RTF1: variants seen among roughly 807,000 people sequenced by gnomAD.
RTF1 encodes the protein RTF1 homolog, Paf1/RNA polymerase II complex component.
RTF1 carries 10 observed loss-of-function variants against 95.7 expected under a neutral mutation model. That is an observed-to-expected ratio of 0.10 (90% CI 0.06 to 0.18). RTF1 has a LOEUF of 0.18. Ranked by LOEUF, RTF1 falls within the 10% of genes least tolerant of loss-of-function variation. RTF1 has a pLI of 1.00. For synonymous variants in RTF1, 305 were observed against 311.8 expected, an observed-to-expected ratio of 0.98 and a Z score of 0.23; for missense variants, 458 against 875.6, an observed-to-expected ratio of 0.52 and a Z score of 6.02.
chr15:41,452,251 C>T (rs565264920), intron 2 of RTF1, among the ~76,000 whole-genome samples: 6 of 152,082 alleles, frequency 3.9e-5, no homozygotes, highest in East Asian at 1.9e-4. Flanking sequence ...GCCTGGGAAA[C>T]GTGGTGAAAC....
intron 4 of RTF1, among the ~76,000 whole-genome samples, chr15:41,460,963 G>C (rs923038741): frequency 6.1e-5 from 9 of 148,102 alleles, no homozygotes; most frequent in African/African-American, 2.0e-4. Context: ...TGCAACCTCC[G>C]CCTACCAGGT....
At chr15:41,476,914 C>T (rs577940398) in intron 12 of RTF1, among the ~76,000 whole-genome samples, 1 of 152,330 alleles carries the variant, frequency 6.6e-6, no homozygotes, top group African/African-American at 2.4e-5. Context: ...CCTGTGAGGC[C>T]TGGGGTTCTA....
chr15:41,468,424 TCTC>T (rs2050891861), intron 6 of RTF1, among the ~76,000 whole-genome samples: 1 of 152,078 alleles, frequency 6.6e-6, no homozygotes, highest in East Asian at 1.9e-4. Flanking sequence ...TTCACACCAT[TCTC>T]CTGCCTCAGC....
rs377607308 is a variant in RTF1 at position 41,464,637 on chromosome 15, G to C, written c.663-134G>C. The C allele has an allele frequency of 8.0e-4, 469 of 589,436 alleles. 5 individuals are homozygous for C. The South Asian group carries it at 0.012, about 15-fold the overall frequency. The allele number at this position is 589,436 out of a possible 1,614,324, so 36.5% of individuals were successfully genotyped here. ...TAAATATTTTTAATGTACTTAAAAG[G>C]TACACCAGAGTTTCTTGCAGGAAAG... On this transcript the variant is annotated intron_variant, in intron 4 of 17. Transcript: ENST00000389629.
Position 41,417,159 on chromosome 15 carries a change from C to A in RTF1, c.44C>A (p.Ala15Glu). 7.9e-7 allele frequency: 1 copy of A among 1,260,412 alleles called. No homozygotes were observed. Among genetic ancestry groups the A allele is most frequent in the Non-Finnish European group, 1.0e-6 (1 of 998,582 alleles). The allele number at this position is 1,260,412 out of a possible 1,614,324, so 78.1% of individuals were successfully genotyped here. The change falls in exon 1 of 18, where the codon GCG becomes GAG. Residue 15 changes from alanine (A) to glutamate (E), a missense_variant. Ala to Glu is a moderately radical substitution (Grantham distance 107, BLOSUM62 -1). Coordinates refer to ENST00000389629, the MANE Select transcript of RTF1 (RefSeq NM_015138.5). ...LCVGRAAAAA[A>E]AVAVPLAGGQ... ...GTGGGTCGAGCAGCGGCGGCGGCGG[C>A]GGCAGTGGCGGTCCCACTGGCAGGC...
At chr15:41,448,409 G>A (rs568648185) in intron 2 of RTF1, among the ~76,000 whole-genome samples, 31 of 152,250 alleles carry the variant, frequency 2.0e-4, no homozygotes, top group African/African-American at 7.2e-4. Context: ...ATTAACGCCT[G>A]TAATCTCAGC....
At chr15:41,443,537 T>C (rs1420373229) in intron 2 of RTF1, among the ~76,000 whole-genome samples, 1 of 151,616 alleles carries the variant, frequency 6.6e-6, no homozygotes, top group Non-Finnish European at 1.5e-5. Flanking sequence ...ACAAGAGTGA[T>C]TGGAAGGGAA....
At position 41,452,993 on chromosome 15, in the gene RTF1, C is replaced by T; in HGVS notation, c.402C>T (p.Ala134=). The T allele has an allele frequency of 1.2e-6, 2 of 1,612,368 alleles. No homozygotes were observed. The highest frequency in any genetic ancestry group is 1.7e-6 in the Non-Finnish European group (2 of 1,179,546). Residue 134 remains alanine (A), a synonymous_variant, in exon 3 of 18, where the codon GCC becomes GCT. Transcript: ENST00000389629. Reference sequence around the variant, plus strand: ...TGAAGAAACAGGCCAACAAAACTGCCTCCTCAGGCAGTTCAGACAAAGACA... The same window carrying T: ...TGAAGAAACAGGCCAACAAAACTGCTTCCTCAGGCAGTTCAGACAAAGACA... The part of the protein sequence containing the change: ...GTMKKQANKT[A]SSGSSDKDSS...
chr15:41,468,582 G>T (rs1456346661), intron 6 of RTF1, among the ~76,000 whole-genome samples: 3 of 152,136 alleles, frequency 2.0e-5, no homozygotes, highest in Non-Finnish European at 2.9e-5. Context: ...CTCCCAAAGT[G>T]CTGGGATTAC....
At position 41,480,236 on chromosome 15, in the gene RTF1, T is replaced by G; in HGVS notation, c.1937T>G (p.Leu646Trp). The G allele has an allele frequency of 6.2e-7, 1 of 1,613,012 alleles. No homozygotes were observed. The highest frequency in any genetic ancestry group is 8.5e-7 in the Non-Finnish European group (1 of 1,178,952). ...MSKGQGKDKD[L>W]NSKSASDLSE... ...CAGGGTCAAGGCAAAGATAAAGATT[T>G]GAATTCTAAGTCAGCCAGTGACCTC... is the stretch of plus-strand genomic sequence containing the variant. Residue 646 changes from leucine to tryptophan, a missense_variant, in exon 17 of 18, where the codon TTG becomes TGG. Physicochemically the swap from Leu to Trp is moderately conservative, Grantham distance 61. Coordinates refer to ENST00000389629, the MANE Select transcript of RTF1 (RefSeq NM_015138.5).
rs917703356 is a variant in RTF1, at chr15:41,474,755, TTTGGGGGCTGCTG to T, written c.1286+56_1286+68del. Reference sequence around the variant, plus strand: ...GCTTCCACTTCAAACAGGCACTGGCTTTGGGGGCTGCTGTTCTCTCTGTGTGATGTTCCTTGTT... The same window carrying T: ...GCTTCCACTTCAAACAGGCACTGGCTTTCTCTCTGTGTGATGTTCCTTGTT... On this transcript the variant is annotated intron_variant, in intron 9 of 17. Coordinates refer to ENST00000389629, the MANE Select transcript of RTF1 (RefSeq NM_015138.5). 3 of 1,291,740 alleles carry T rather than the reference TTTGGGGGCTGCTG, an allele frequency of 2.3e-6. No homozygotes were observed. The African/African-American group carries it at 4.4e-5, about 19-fold the overall frequency. The allele number at this position is 1,291,740 out of a possible 1,614,324, so 80.0% of individuals were successfully genotyped here. A position where few individuals can be genotyped will look rare whatever the true frequency, so the allele number is the denominator to read the frequency against.
chr15:41,423,569 A>G (rs2050613726), intron 1 of RTF1, among the ~76,000 whole-genome samples: 1 of 151,790 alleles, frequency 6.6e-6, no homozygotes, highest in Non-Finnish European at 1.5e-5. Flanking sequence ...GGGTTTCTCC[A>G]TGTTGGTCAG....
chr15:41,466,354 T>C (rs772226084), intron 6 of RTF1, 102 bp downstream of exon 6: 110 of 697,402 alleles, frequency 1.6e-4, no homozygotes, highest in Non-Finnish European at 2.4e-4. Context: ...TCATATAAAA[T>C]TCCAGCACAT....
At position 41,477,180 on chromosome 15, in the gene RTF1, C is replaced by T; in HGVS notation, c.1576C>T (p.Leu526=). 2.5e-6 allele frequency: 4 copies of T among 1,614,192 alleles called. No homozygotes were observed. Among genetic ancestry groups the T allele is most frequent in the Non-Finnish European group, 3.4e-6 (4 of 1,180,038 alleles). ...LLKEKAMAED[L]GDQDKAKQIQ... Reference sequence around the variant, plus strand: ...CTATGTGTAGGCCATGGCTGAGGACCTGGGGGATCAGGACAAGGCCAAACA... The same window carrying T: ...CTATGTGTAGGCCATGGCTGAGGACTTGGGGGATCAGGACAAGGCCAAACA... The change falls in exon 13 of 18, where the codon CTG becomes TTG. Residue 526 remains leucine (L), a synonymous_variant. Transcript: ENST00000389629.
chr15:41,472,803 G>A (rs1330129566), intron 8 of RTF1, among the ~76,000 whole-genome samples: 7 of 151,300 alleles, frequency 4.6e-5, no homozygotes, highest in South Asian at 4.2e-4. Flanking sequence ...CCAGGTTCAC[G>A]CCATTCTCCT....
intron 1 of RTF1, among the ~76,000 whole-genome samples, chr15:41,425,757 T>C (rs756036163): frequency 1.9e-4 from 29 of 152,110 alleles, no homozygotes; most frequent in Non-Finnish European, 3.1e-4. Context: ...GATAGTGGAA[T>C]TGGTTGGACA....
chr15:41,468,813 A>G (rs1303760224), intron 6 of RTF1, among the ~76,000 whole-genome samples: 11 of 152,200 alleles, frequency 7.2e-5, no homozygotes. Context: ...TGTTTCTGCA[A>G]TATTTTAAAG....
At chr15:41,461,187 C>T (rs1167058589) in intron 4 of RTF1, among the ~76,000 whole-genome samples, 12 of 151,988 alleles carry the variant, frequency 7.9e-5, no homozygotes, top group South Asian at 4.1e-4. Context: ...GGATTACAGG[C>T]GCCCACCACC....
intron 2 of RTF1, among the ~76,000 whole-genome samples, chr15:41,440,803 T>A (rs1383053866): frequency 6.6e-6 from 1 of 151,982 alleles, no homozygotes; most frequent in East Asian, 1.9e-4. Flanking sequence ...TTTATTCTTT[T>A]GTTTATTTTT....
Sources: allele counts gnomAD v4.1 joint callset (sites outside exome capture counted in the v4.1 genomes callset), GRCh38; gene constraint gnomAD v4.1.1; transcripts MANE v1.5; gene names NCBI Gene and HGNC (gene_info 2026-07-23, HGNC 2026-07-21).